ECT2L: variants seen among roughly 807,000 people sequenced by gnomAD.
The protein encoded by ECT2L is epithelial cell-transforming sequence 2 oncogene-like.
In ECT2L, 126 loss-of-function variants were observed where a neutral mutation model predicts 122.8. That is an observed-to-expected ratio of 1.03 (90% CI 0.89 to 1.19). The LOEUF (loss-of-function observed/expected upper bound fraction) is 1.19, where lower values mean the gene tolerates loss of function less well. ECT2L is among the 50% of genes most tolerant of loss of function. The pLI is 0.00. For missense variants in ECT2L, 1,012 were observed against 1,064.1 expected (o/e 0.95, Z 0.68); for synonymous variants, 385 against 381.8 (o/e 1.01, Z -0.10).
chr6:138,877,363 T>C (rs537652686), intron 14 of ECT2L, among the ~76,000 whole-genome samples: 1 of 152,254 alleles, frequency 6.6e-6, no homozygotes, highest in African/African-American at 2.4e-5. Context: ...GCATGTTCCA[T>C]AGAGCAGTGG....
At chr6:138,868,014 A>AG (rs1160339679) in intron 12 of ECT2L, 89 bp from the exon 13 acceptor site, 40 of 832,162 alleles carry the variant, frequency 4.8e-5, no homozygotes, top group African/African-American at 7.1e-5. Context: ...AAAAAAAAAA[A>AG]AAAAAGAAAC....
At position 138,902,643 on chromosome 6, in the gene ECT2L, C is replaced by G; in HGVS notation, c.*16C>G. 1 of 1,612,700 alleles carries G rather than the reference C, an allele frequency of 6.2e-7. No homozygotes were observed. The highest frequency in any genetic ancestry group is 8.5e-7 in the Non-Finnish European group (1 of 1,179,464). On this transcript the variant is annotated 3_prime_UTR_variant, in exon 22 of 22. Coordinates refer to ENST00000541398, the MANE Select transcript of ECT2L (RefSeq NM_001077706.3). ...GGAGAAGTGAGACCGAACTTGAAAA[C>G]TTCAGGGGTGCCAATTCTCCCCAGC...
chr6:138,838,161 C>A (rs1481506564), intron 4 of ECT2L, among the ~76,000 whole-genome samples, 191 bp from the exon 5 acceptor site: 1 of 152,200 alleles, frequency 6.6e-6, no homozygotes, highest in East Asian at 1.9e-4. Context: ...CTTGGCCTCC[C>A]AAAGTGCCAG....
At chr6:138,834,337 A>G (rs537090915) in intron 4 of ECT2L, among the ~76,000 whole-genome samples, 1 of 150,900 alleles carries the variant, frequency 6.6e-6, no homozygotes, top group Admixed American at 6.6e-5. Context: ...CTGATCATGT[A>G]TTTTTTTTTA....
intron 4 of ECT2L, among the ~76,000 whole-genome samples, chr6:138,816,537 T>G (rs1776073380): frequency 6.6e-6 from 1 of 152,060 alleles, no homozygotes; most frequent in Non-Finnish European, 1.5e-5. Flanking sequence ...CAGGCTGGAG[T>G]GCAGTGGCGC....
At chr6:138,844,245 G>A (rs1027636992) in intron 6 of ECT2L, among the ~76,000 whole-genome samples, 167 bp from the exon 7 acceptor site, 1 of 152,218 alleles carries the variant, frequency 6.6e-6, no homozygotes, top group East Asian at 1.9e-4. Context: ...CACAGCCACA[G>A]TGCCAAGAGG....
chr6:138,886,836 A>T (rs755864476), intron 18 of ECT2L, 21 bp from the exon 19 acceptor site: 21 of 1,599,614 alleles, frequency 1.3e-5, no homozygotes, highest in Non-Finnish European at 1.5e-5. Flanking sequence ...AGTTTGCCTA[A>T]AAGTACTTTT....
intron 1 of ECT2L, among the ~76,000 whole-genome samples, chr6:138,807,856 C>T (rs1237980125): frequency 1.3e-5 from 2 of 152,160 alleles, no homozygotes; most frequent in Admixed American, 1.3e-4. Flanking sequence ...TGAATAACTG[C>T]TGTGTTCCAC....
intron 18 of ECT2L, 67 bp downstream of exon 18, chr6:138,885,897 A>C (rs1462236209): frequency 6.7e-7 from 1 of 1,492,530 alleles, no homozygotes; most frequent in East Asian, 2.3e-5. Context: ...CTCCCACTCA[A>C]AGATCCTGAG....
At position 138,865,212 on chromosome 6, in the gene ECT2L, T is replaced by C. The variant is rs766931810; in HGVS notation, c.1474+34T>C. The C allele has an allele frequency of 6.4e-6, 10 of 1,560,114 alleles. No individual in the cohort carries two copies. In the East Asian group the frequency reaches 1.1e-4, roughly 18 times the overall value. On this transcript the variant is annotated intron_variant, in intron 12 of 21. Coordinates refer to ENST00000541398, the MANE Select transcript of ECT2L (RefSeq NM_001077706.3). ...TCTTGCTACTTCTGTTGCAGGTTAA[T>C]TATGAAGTTGCTTTCATATCCCGAG...
chr6:138,875,351 G>A (rs4896415), intron 13 of ECT2L, among the ~76,000 whole-genome samples: 1 of 152,202 alleles, frequency 6.6e-6, no homozygotes, highest in South Asian at 2.1e-4. Flanking sequence ...ATAAAAATTC[G>A]CTTTTGCCTC....
chr6:138,890,492 C>CTTTTTTTTTTTATTTTTTTTTTTTTT (rs1778980643), intron 20 of ECT2L, among the ~76,000 whole-genome samples: 1 of 78,990 alleles, frequency 1.3e-5, no homozygotes, highest in African/African-American at 5.6e-5. Context: ...TTTCTTTGAT[C>CTTTTTTTTTTTATTTTTTTTTTTTTT]TTTTTTTTTT....
At chr6:138,862,869 A>G (rs1167478996) in intron 11 of ECT2L, 150 bp downstream of exon 11, 1 of 564,112 alleles carries the variant, frequency 1.8e-6, no homozygotes, top group East Asian at 2.9e-5. Flanking sequence ...TAGTTCCCAA[A>G]CTAGGTAATC....
chr6:138,811,452 T>C (rs1775891040), intron 1 of ECT2L, among the ~76,000 whole-genome samples: 1 of 152,288 alleles, frequency 6.6e-6, no homozygotes, highest in Middle Eastern at 3.4e-3. Flanking sequence ...ACAAATTATA[T>C]GTTGAAGCCT....
chr6:138,811,410 T>C (rs775691824), intron 1 of ECT2L, among the ~76,000 whole-genome samples: 9 of 152,246 alleles, frequency 5.9e-5, no homozygotes, highest in Non-Finnish European at 2.9e-5. Flanking sequence ...ACAGAGGTAC[T>C]GGTTATGAAC....
chr6:138,799,409 A>G (rs2128367050), intron 1 of ECT2L, among the ~76,000 whole-genome samples: 1 of 151,610 alleles, frequency 6.6e-6, no homozygotes, highest in East Asian at 1.9e-4. Context: ...ACCCGCCACC[A>G]CGCCCGGCTT....
At chr6:138,848,017 G>GA (rs1777297053) in intron 8 of ECT2L, among the ~76,000 whole-genome samples, 1 of 152,186 alleles carries the variant, frequency 6.6e-6, no homozygotes, top group African/African-American at 2.4e-5. Context: ...GCAGGAGAGA[G>GA]AAGAATGAGC....
intron 20 of ECT2L, among the ~76,000 whole-genome samples, chr6:138,895,252 A>C (rs925596897): frequency 5.3e-5 from 8 of 152,318 alleles, no homozygotes; most frequent in African/African-American, 1.7e-4. Context: ...TAGAGGAAAC[A>C]TACTCTGCTT....
At position 138,844,271 on chromosome 6, in the gene ECT2L, C is replaced by G. The variant is rs764525938; in HGVS notation, c.596-141C>G. The G allele has an allele frequency of 3.3e-6, 3 of 918,180 alleles. No individual in the cohort carries two copies. In the African/African-American group the frequency reaches 5.0e-5, roughly 15 times the overall value. 56.9% of individuals were successfully genotyped at this position (918,180 alleles called of 1,614,324 possible). Reference sequence around the variant, plus strand: ...TGCCAAGAGGATGAGAAATCCAAACCGAGTGCATGAAAATGGCTGTAATTA... The same window carrying G: ...TGCCAAGAGGATGAGAAATCCAAACGGAGTGCATGAAAATGGCTGTAATTA... On this transcript the variant is annotated intron_variant, in intron 6 of 21. Coordinates refer to ENST00000541398, the MANE Select transcript of ECT2L (RefSeq NM_001077706.3).
Sources: gnomAD v4.1 joint callset for allele counts (sites outside exome capture counted in the v4.1 genomes callset) on GRCh38, gnomAD v4.1.1 for gene constraint, MANE v1.5 for transcripts, NCBI Gene and HGNC (gene_info 2026-07-23, HGNC 2026-07-21) for gene names.